RALGAPA2: variants seen among roughly 807,000 people sequenced by gnomAD.
RALGAPA2 encodes the protein Ral GTPase activating protein catalytic subunit alpha 2.
A neutral mutation model predicts 230.4 loss-of-function variants in RALGAPA2; 139 were observed. That is an observed-to-expected ratio of 0.60 (90% CI 0.53 to 0.69). RALGAPA2 has a LOEUF of 0.69. Among genes scored for constraint, RALGAPA2 ranks in the 30% least tolerant of loss-of-function variants. The pLI is 0.00. For synonymous variants in RALGAPA2, 847 were observed against 837.8 expected (o/e 1.01, Z -0.19); for missense variants, 2,163 against 2,276.0 (o/e 0.95, Z 1.01).
At chr20:20,701,768 G>A (rs933497962) in intron 1 of RALGAPA2, among the ~76,000 whole-genome samples, 2 of 151,438 alleles carry the variant, frequency 1.3e-5, no homozygotes, top group Non-Finnish European at 2.9e-5. Flanking sequence ...GCGGCCAGGC[G>A]CAGTGGCTGA....
intron 20 of RALGAPA2, among the ~76,000 whole-genome samples, chr20:20,581,363 A>T (rs1161539851): frequency 1.3e-5 from 2 of 152,204 alleles, no homozygotes; most frequent in African/African-American, 4.8e-5. Context: ...ACAGTACCAC[A>T]ATGATGACTT....
At chr20:20,486,012 G>A (rs2061899615) in intron 36 of RALGAPA2, among the ~76,000 whole-genome samples, 1 of 152,058 alleles carries the variant, frequency 6.6e-6, no homozygotes, top group Non-Finnish European at 1.5e-5. Context: ...GGTGGTGTGT[G>A]CCTGTAGTCC....
intron 37 of RALGAPA2, among the ~76,000 whole-genome samples, chr20:20,439,133 T>C (rs1182294323): frequency 6.6e-6 from 1 of 152,184 alleles, no homozygotes. Flanking sequence ...TCCCAATTTA[T>C]TACTAAGTGC....
chr20:20,677,458 A>G (rs2068368995), intron 2 of RALGAPA2, among the ~76,000 whole-genome samples: 1 of 152,012 alleles, frequency 6.6e-6, no homozygotes, highest in Non-Finnish European at 1.5e-5. Flanking sequence ...GTCAGAAAAC[A>G]GTCAGAGGCC....
At chr20:20,596,235 C>T (rs1433753836) in intron 16 of RALGAPA2, among the ~76,000 whole-genome samples, 2 of 152,028 alleles carry the variant, frequency 1.3e-5, no homozygotes, top group Admixed American at 6.6e-5. Flanking sequence ...AACAAACAAT[C>T]GTAGCTAAAA....
intron 18 of RALGAPA2, among the ~76,000 whole-genome samples, chr20:20,585,195 T>G (rs2065098150): frequency 6.6e-6 from 1 of 152,204 alleles, no homozygotes; most frequent in Non-Finnish European, 1.5e-5. Context: ...TCCAATTAAA[T>G]TGATCTAAGA....
intron 37 of RALGAPA2, among the ~76,000 whole-genome samples, chr20:20,464,189 A>C (rs1752278561): frequency 6.6e-6 from 1 of 152,174 alleles, no homozygotes; most frequent in African/African-American, 2.4e-5. Flanking sequence ...CTGGCTGATT[A>C]CACTTCCCTT....
chr20:20,510,888 T>C (rs1416457661), intron 33 of RALGAPA2, among the ~76,000 whole-genome samples: 4 of 152,210 alleles, frequency 2.6e-5, no homozygotes, highest in African/African-American at 7.2e-5. Flanking sequence ...CAGACTCACT[T>C]GGCTTTAGAT....
chr20:20,493,626 A>G (rs1209066694), intron 36 of RALGAPA2, among the ~76,000 whole-genome samples: 1 of 152,210 alleles, frequency 6.6e-6, no homozygotes, highest in Non-Finnish European at 1.5e-5. Flanking sequence ...CCATGTTGAA[A>G]ATGAGCTAAT....
intron 37 of RALGAPA2, among the ~76,000 whole-genome samples, chr20:20,434,275 T>C (rs2060561732): frequency 6.6e-6 from 1 of 152,158 alleles, no homozygotes; most frequent in Non-Finnish European, 1.5e-5. Context: ...ATGCCAGTAG[T>C]TCCTCTGTGG....
chr20:20,611,549 T>A (rs949957968), intron 13 of RALGAPA2, 123 bp from the exon 14 acceptor site: 1 of 1,404,230 alleles, frequency 7.1e-7, no homozygotes, highest in Non-Finnish European at 9.4e-7. Flanking sequence ...CTCGAAACTA[T>A]TAAAGTCCAG....
At chr20:20,500,336 T>C (rs1602558516) in intron 35 of RALGAPA2, among the ~76,000 whole-genome samples, 1 of 152,234 alleles carries the variant, frequency 6.6e-6, no homozygotes, top group East Asian at 1.9e-4. Flanking sequence ...GAGTAATATT[T>C]TCAAACCCTG....
At chr20:20,476,130 T>C (rs937518487) in intron 36 of RALGAPA2, among the ~76,000 whole-genome samples, 1 of 152,170 alleles carries the variant, frequency 6.6e-6, no homozygotes, top group African/African-American at 2.4e-5. Context: ...AGTTTCAATA[T>C]TGTTAAGATG....
rs765892013 is a variant in RALGAPA2, at chr20:20,637,439, T to C, written c.729A>G (p.Thr243=). 1.9e-6 allele frequency: 3 copies of C among 1,576,362 alleles called. No homozygotes were observed. Among genetic ancestry groups the C allele is most frequent in the Middle Eastern group, 1.7e-4 (1 of 5,840 alleles). The change falls in exon 8 of 40, where the codon ACA becomes ACG. Residue 243 remains threonine, a synonymous_variant. Transcript: ENST00000202677. ...NQDTGFKFLF[T]LFRKYYLPHL... ...GAGGAAGATAATACTTTCGAAACAA[T>C]GTAAAAAGAAATTTAAAACCAGTAT...
intron 12 of RALGAPA2, among the ~76,000 whole-genome samples, chr20:20,617,635 A>G (rs1357496533): frequency 6.6e-6 from 1 of 152,228 alleles, no homozygotes; most frequent in African/African-American, 2.4e-5. Flanking sequence ...CATCAAAGGT[A>G]CTGCATGAGT....
At chr20:20,535,065 GATGA>G (rs1297618860) in intron 26 of RALGAPA2, among the ~76,000 whole-genome samples, 3 of 152,338 alleles carry the variant, frequency 2.0e-5, no homozygotes, top group African/African-American at 7.2e-5. Flanking sequence ...GTAAGGCAGT[GATGA>G]ATGATGGGCT....
At chr20:20,516,118 C>A (rs1038773755) in intron 31 of RALGAPA2, among the ~76,000 whole-genome samples, 13 of 152,288 alleles carry the variant, frequency 8.5e-5, no homozygotes, top group African/African-American at 2.6e-4. Flanking sequence ...GGCAGTTATA[C>A]TATCTCTGGA....
At chr20:20,411,164 AT>A (rs2122761683) in intron 38 of RALGAPA2, among the ~76,000 whole-genome samples, 1 of 152,368 alleles carries the variant, frequency 6.6e-6, no homozygotes, top group Admixed American at 6.5e-5. Context: ...TAACAGTTTC[AT>A]TTAAAGCAGT....
At chr20:20,485,137 A>T (rs1000782973) in intron 36 of RALGAPA2, among the ~76,000 whole-genome samples, 1 of 151,804 alleles carries the variant, frequency 6.6e-6, no homozygotes, top group Non-Finnish European at 1.5e-5. Flanking sequence ...TCTTTTTCCA[A>T]TGTGGCCCTT....
Sources: gnomAD v4.1 joint callset for allele counts (sites outside exome capture counted in the v4.1 genomes callset) on GRCh38, gnomAD v4.1.1 for gene constraint, MANE v1.5 for transcripts, NCBI Gene and HGNC (gene_info 2026-07-23, HGNC 2026-07-21) for gene names.